The following QSOX2 variants were observed in gnomAD, a reference collection of about 807,000 sequenced individuals.
QSOX2 encodes the protein sulfhydryl oxidase 2.
In QSOX2, 46 loss-of-function variants were observed where a neutral mutation model predicts 61.7. The ratio of observed to expected loss-of-function variants is 0.75; its 90% CI spans 0.59 to 0.95. The LOEUF (loss-of-function observed/expected upper bound fraction) is 0.95, where lower values mean the gene tolerates loss of function less well. QSOX2 is among the 40% of genes least tolerant of loss of function. QSOX2 has a pLI of 0.00. For synonymous variants in QSOX2, 383 were observed against 388.4 expected (o/e 0.99, Z 0.16); for missense variants, 879 against 918.9 (o/e 0.96, Z 0.56).
At chr9:136,214,278 T>C (rs1275121097) in intron 10 of QSOX2, among the ~76,000 whole-genome samples, 1 of 152,162 alleles carries the variant, frequency 6.6e-6, no homozygotes, top group Non-Finnish European at 1.5e-5. Flanking sequence ...GTTTTATAGG[T>C]TTTAACCCCT....
chr9:136,237,623 G>A (rs1486581243), intron 1 of QSOX2, among the ~76,000 whole-genome samples: 2 of 131,822 alleles, frequency 1.5e-5, no homozygotes, highest in Non-Finnish European at 3.2e-5. Context: ...CTGGGCCAGC[G>A]TCACCTGGAG....
intron 1 of QSOX2, among the ~76,000 whole-genome samples, chr9:136,244,010 T>A (rs1041010080): frequency 6.6e-6 from 1 of 152,038 alleles, no homozygotes; most frequent in African/African-American, 2.4e-5. Context: ...TTACAGAATT[T>A]GCAATATTTG....
intron 1 of QSOX2, among the ~76,000 whole-genome samples, chr9:136,243,525 C>T (rs543613513): frequency 2.3e-4 from 35 of 152,360 alleles, no homozygotes; most frequent in African/African-American, 7.2e-4. Flanking sequence ...CTACCCCTTC[C>T]TATACCTTAC....
chr9:136,218,305 C>T (rs1159370952), intron 8 of QSOX2, among the ~76,000 whole-genome samples: 1 of 152,238 alleles, frequency 6.6e-6, no homozygotes, highest in Admixed American at 6.5e-5. Context: ...CAGCCCTTGC[C>T]TCTCCCTCTC....
intron 9 of QSOX2, 84 bp from the exon 10 acceptor site, chr9:136,215,388 T>A: frequency 1.5e-6 from 1 of 684,874 alleles, no homozygotes; most frequent in Non-Finnish European, 2.1e-6. Context: ...CCTTCTTGAC[T>A]GGGGGGGGTG....
chr9:136,232,812 T>C (rs148176112), intron 1 of QSOX2, among the ~76,000 whole-genome samples: 1,920 of 146,692 alleles, frequency 0.013, 20 homozygotes, highest in Middle Eastern at 0.036. Context: ...TCCCAGCTAC[T>C]CAGCAGGTTG....
chr9:136,224,981 C>T (rs779250371), intron 2 of QSOX2, 72 bp from the exon 3 acceptor site: 34 of 1,096,684 alleles, frequency 3.1e-5, no homozygotes, highest in Non-Finnish European at 3.9e-5. Context: ...AGCAACAAAA[C>T]GCCCGTCACC....
At position 136,208,868 on chromosome 9, in the gene QSOX2, C is replaced by G; in HGVS notation, c.1957G>C (p.Gly653Arg). ...KEVGGAAPFL[G>R]VDFSSLDMSL... Reference sequence around the variant, plus strand: ...ATGTCCAGGCTGGAGAAGTCAACCCCGAGGAAGGGTGCGGCCCCGCCCACC... The same window carrying G: ...ATGTCCAGGCTGGAGAAGTCAACCCGGAGGAAGGGTGCGGCCCCGCCCACC... Residue 653 changes from glycine to arginine, a missense_variant, in exon 12 of 12, where the codon GGG becomes CGG. Physicochemically the swap from Gly to Arg is moderately radical, Grantham distance 125. Coordinates refer to ENST00000358701, the MANE Select transcript of QSOX2 (RefSeq NM_181701.4). The G allele has an allele frequency of 1.2e-6, 2 of 1,614,008 alleles. No homozygotes were observed. The highest frequency in any genetic ancestry group is 2.2e-5 in the South Asian group (2 of 91,080).
intron 3 of QSOX2, 93 bp from the exon 4 acceptor site, chr9:136,224,205 G>C (rs1330752431): frequency 2.7e-5 from 27 of 983,642 alleles, no homozygotes; most frequent in Non-Finnish European, 4.2e-5. Context: ...CCCAGCCTGG[G>C]GCCCAAAGAC....
At chr9:136,213,828 G>A (rs1053773653) in intron 10 of QSOX2, among the ~76,000 whole-genome samples, 5 of 152,156 alleles carry the variant, frequency 3.3e-5, no homozygotes, top group African/African-American at 7.2e-5. Context: ...TCAGGAGTAC[G>A]AGGCATTCCA....
At position 136,222,611 on chromosome 9, in the gene QSOX2, A is replaced by C. The variant is rs1363791833; in HGVS notation, c.676-670T>G. On this transcript the variant is annotated intron_variant, in intron 5 of 11. Coordinates refer to ENST00000358701, the MANE Select transcript of QSOX2 (RefSeq NM_181701.4). The surrounding 1 kb of genome is among the most constrained non-coding windows in gnomAD (Gnocchi z 6.9). ...CTCTCCTGAGCTGGGTGTGTCTGCG[A>C]AGAGCTGATCGCTACTCTGGGGCCA... Among the ~76,000 whole-genome samples, 1 of 152,192 alleles carries C rather than the reference A, an allele frequency of 6.6e-6. No individual in the cohort carries two copies. Among genetic ancestry groups the C allele is most frequent in the African/African-American group, 2.4e-5 (1 of 41,458 alleles).
rs754601777 is a variant in QSOX2, at chr9:136,215,309, AAAAC to A, written c.1210-9_1210-6del. On this transcript the variant is annotated splice_region_variant and splice_polypyrimidine_tract_variant and intron_variant, in intron 9 of 11. Transcript: ENST00000358701. ...AGTAAGGAATATTCCAGAAATCTGA[AAAAC>A]AAACAAACAAAAAAACCCCAAAGAA... is the stretch of plus-strand genomic sequence containing the variant. 2.6e-4 allele frequency: 412 copies of A among 1,607,610 alleles called. 2 individuals carry two copies. The highest frequency in any genetic ancestry group is 2.1e-3 in the East Asian group (92 of 44,746).
chr9:136,226,132 G>A (rs1261733273), intron 2 of QSOX2, among the ~76,000 whole-genome samples: 1 of 152,214 alleles, frequency 6.6e-6, no homozygotes, highest in African/African-American at 2.4e-5. Context: ...TGACAAGGAC[G>A]GAGTTTTACT....
intron 1 of QSOX2, among the ~76,000 whole-genome samples, chr9:136,237,220 T>C (rs1255124831): frequency 8.8e-4 from 62 of 70,784 alleles, no homozygotes; most frequent in African/African-American, 1.2e-3. Flanking sequence ...CCGGCGTCAC[T>C]TGGAGCCTGT....
intron 7 of QSOX2, 78 bp downstream of exon 7, chr9:136,218,952 T>C (rs890106509): frequency 6.3e-7 from 1 of 1,581,014 alleles, no homozygotes; most frequent in African/African-American, 1.4e-5. Context: ...GGTTTCTGAG[T>C]AAACCCGCCC....
rs114342844 is a variant in QSOX2, at chr9:136,232,975, G to C, written c.329-6101C>G. Among the ~76,000 whole-genome samples, 499 of 149,906 alleles carry C rather than the reference G, an allele frequency of 3.3e-3. 3 individuals carry two copies. The highest frequency in any genetic ancestry group is 0.011 in the African/African-American group (466 of 40,628). The stretch of plus-strand genomic sequence containing the variant: ...AAAAAAGAAAATCATGGAGGAGAAA[G>C]GACATCTGCCTGAACAGGTATTTTT... On this transcript the variant is annotated intron_variant, in intron 1 of 11. Coordinates refer to ENST00000358701, the MANE Select transcript of QSOX2 (RefSeq NM_181701.4).
chr9:136,228,927 T>G (rs1830306243), intron 1 of QSOX2, among the ~76,000 whole-genome samples: 1 of 152,166 alleles, frequency 6.6e-6, no homozygotes, highest in African/African-American at 2.4e-5. Flanking sequence ...GATCTCAAAC[T>G]CCAGAGGTTC....
chr9:136,221,518 G>C lies in QSOX2; in HGVS notation c.821+278C>G, dbSNP rs1831980248. ...GCCCAGCAGCCCTCATGCATGTGCT[G>C]GTTTAGCCACGGTTTCCTCTGCGAC... On this transcript the variant is annotated intron_variant, in intron 6 of 11. Transcript: ENST00000358701. This position sits in a 1 kb window ranked among gnomAD's most constrained non-coding sequence, Gnocchi z 4.5. Among the ~76,000 whole-genome samples the C allele has an allele frequency of 6.6e-6, 1 of 152,258 alleles. No homozygotes were observed. The highest frequency in any genetic ancestry group is 1.5e-5 in the Non-Finnish European group (1 of 68,048).
intron 1 of QSOX2, among the ~76,000 whole-genome samples, chr9:136,239,980 G>A (rs990287062): frequency 2.6e-5 from 4 of 152,210 alleles, no homozygotes; most frequent in African/African-American, 7.2e-5. Flanking sequence ...CTCATTCAAC[G>A]GGTACCCTCC....
Sources: allele counts gnomAD v4.1 joint callset (sites outside exome capture counted in the v4.1 genomes callset), GRCh38; gene constraint gnomAD v4.1.1; non-coding constraint Gnocchi (gnomAD v3.1); transcripts MANE v1.5; gene names NCBI Gene and HGNC (gene_info 2026-07-23, HGNC 2026-07-21).